The following UBTD2 variants were observed in gnomAD, a reference collection of about 807,000 sequenced individuals.
The protein encoded by UBTD2 is ubiquitin domain containing 2.
A neutral mutation model predicts 19.8 loss-of-function variants in UBTD2; 9 were observed. That is an observed-to-expected ratio of 0.46 (90% CI 0.27 to 0.79). The LOEUF is 0.79. UBTD2 is among the 30% of genes least tolerant of loss of function. The pLI is 0.14. For missense variants in UBTD2, 250 were observed against 300.4 expected (o/e 0.83, Z 1.24); for synonymous variants, 98 against 103.9 (o/e 0.94, Z 0.35).
At chr5:172,266,874 C>CA (rs1427303180) in intron 1 of UBTD2, among the ~76,000 whole-genome samples, 1 of 151,634 alleles carries the variant, frequency 6.6e-6, no homozygotes, top group African/African-American at 2.4e-5. Flanking sequence ...ACCATCTATA[C>CA]AAAAAAAATT....
At chr5:172,244,865 A>G (rs1301049209) in intron 1 of UBTD2, among the ~76,000 whole-genome samples, 1 of 151,804 alleles carries the variant, frequency 6.6e-6, no homozygotes, top group Non-Finnish European at 1.5e-5. Flanking sequence ...AGTAGCTGAG[A>G]TTACAGGCAC....
In UBTD2 at chr5:172,283,502, CGGGG is replaced by C; in HGVS notation, c.70+90_70+93del. On this transcript the variant is annotated intron_variant, in intron 1 of 2. Coordinates refer to ENST00000393792, the MANE Select transcript of UBTD2 (RefSeq NM_152277.3). The surrounding 1 kb of genome is among the most constrained non-coding windows in gnomAD (Gnocchi z 4.3). ...TGGAAGAGGGGATGACAAAGGGGCG[CGGGG>C]GCCCGGCGCGGCCCGCGGGGGTCGG... 1 of 999,782 alleles carries C rather than the reference CGGGG, an allele frequency of 1.0e-6. No homozygotes were observed. Among genetic ancestry groups the C allele is most frequent in the South Asian group, 4.4e-5 (1 of 22,692 alleles). The allele number at this position is 999,782 out of a possible 1,614,324, so 61.9% of individuals were successfully genotyped here. A position where few individuals can be genotyped will look rare whatever the true frequency, so the allele number is the denominator to read the frequency against.
At chr5:172,264,634 G>A (rs1232667839) in intron 1 of UBTD2, among the ~76,000 whole-genome samples, 1 of 151,790 alleles carries the variant, frequency 6.6e-6, no homozygotes, top group East Asian at 1.9e-4. Context: ...TCCACTTTGG[G>A]AGGCCAAGAC....
At chr5:172,223,960 C>T (rs1301527040) in intron 2 of UBTD2, among the ~76,000 whole-genome samples, 2 of 152,108 alleles carry the variant, frequency 1.3e-5, no homozygotes, top group Admixed American at 1.3e-4. Flanking sequence ...AGCCCAACAA[C>T]ATATTTGCTG....
chr5:172,234,063 T>C (rs941474103), intron 2 of UBTD2, 59 bp downstream of exon 2: 4 of 1,572,002 alleles, frequency 2.5e-6, no homozygotes, highest in Middle Eastern at 3.3e-4. Flanking sequence ...ATTTGGTTTC[T>C]TGCTATCAGA....
At chr5:172,247,625 T>G (rs962363003) in intron 1 of UBTD2, among the ~76,000 whole-genome samples, 1 of 152,220 alleles carries the variant, frequency 6.6e-6, no homozygotes, top group African/African-American at 2.4e-5. Context: ...AGATGTTTTA[T>G]AATTAAAGTG....
chr5:172,239,157 TC>T (rs1168803392), intron 1 of UBTD2, among the ~76,000 whole-genome samples: 3 of 152,170 alleles, frequency 2.0e-5, no homozygotes, highest in Non-Finnish European at 4.4e-5. Context: ...GCAAATCTTC[TC>T]TACTGTTTGA....
intron 2 of UBTD2, among the ~76,000 whole-genome samples, chr5:172,218,458 A>G: frequency 6.6e-6 from 1 of 152,124 alleles, no homozygotes; most frequent in Non-Finnish European, 1.5e-5. Context: ...TAAAATAGAA[A>G]TCAATGAAAT....
At chr5:172,257,769 T>C (rs959138573) in intron 1 of UBTD2, among the ~76,000 whole-genome samples, 2 of 152,234 alleles carry the variant, frequency 1.3e-5, no homozygotes, top group South Asian at 2.1e-4. Context: ...TGATTAGTGA[T>C]GGTGAGCATT....
At chr5:172,276,556 T>C (rs1441579912) in intron 1 of UBTD2, among the ~76,000 whole-genome samples, 2 of 152,162 alleles carry the variant, frequency 1.3e-5, no homozygotes, top group Admixed American at 6.5e-5. Flanking sequence ...TCATGTACTA[T>C]CAGTTTACAA....
rs144229695 is a variant in UBTD2, at chr5:172,227,191, C to A, written c.307+6931G>T. ...ACCCAGAATGGCATAAAAAGGAGGT[C>A]TTTTTCAGAGACAAGCCTTCTGACT... On this transcript the variant is annotated intron_variant, in intron 2 of 2. Coordinates refer to ENST00000393792, the MANE Select transcript of UBTD2 (RefSeq NM_152277.3). Among the ~76,000 whole-genome samples, 169 of 152,248 alleles carry A rather than the reference C, an allele frequency of 1.1e-3. 3 individuals are homozygous for A. Among genetic ancestry groups the A allele is most frequent in the Non-Finnish European group, 1.6e-3 (111 of 68,000 alleles).
chr5:172,251,646 A>T (rs1201331889), intron 1 of UBTD2, among the ~76,000 whole-genome samples: 2 of 151,866 alleles, frequency 1.3e-5, no homozygotes, highest in African/African-American at 2.4e-5. Context: ...AAAAAATGGC[A>T]ACCAAGAATA....
intron 1 of UBTD2, among the ~76,000 whole-genome samples, chr5:172,271,499 C>G (rs967510416): frequency 2.0e-5 from 3 of 151,828 alleles, no homozygotes; most frequent in Non-Finnish European, 4.4e-5. Context: ...ACCCTGCCCC[C>G]CACTCCTCCT....
chr5:172,242,675 A>C (rs902140839), intron 1 of UBTD2, among the ~76,000 whole-genome samples: 2 of 152,214 alleles, frequency 1.3e-5, no homozygotes, highest in African/African-American at 4.8e-5. Context: ...ACTGAATGTC[A>C]CGTCTATGGT....
chr5:172,274,337 C>T (rs1755564045), intron 1 of UBTD2, among the ~76,000 whole-genome samples: 4 of 151,858 alleles, frequency 2.6e-5, no homozygotes, highest in Admixed American at 2.6e-4. Flanking sequence ...GACAGGCTTT[C>T]ACCATGTTGG....
intron 2 of UBTD2, among the ~76,000 whole-genome samples, chr5:172,229,350 A>G (rs955598224): frequency 3.3e-5 from 5 of 151,866 alleles, no homozygotes; most frequent in African/African-American, 1.2e-4. Context: ...AAATACAAAA[A>G]ATTAGCCAGG....
At chr5:172,254,137 T>C (rs576201324) in intron 1 of UBTD2, among the ~76,000 whole-genome samples, 1 of 152,308 alleles carries the variant, frequency 6.6e-6, no homozygotes, top group South Asian at 2.1e-4. Flanking sequence ...TCTCGCTCTG[T>C]CGCCCAGGCT....
At chr5:172,229,796 C>T (rs1007628124) in intron 2 of UBTD2, among the ~76,000 whole-genome samples, 52 of 152,074 alleles carry the variant, frequency 3.4e-4, no homozygotes, top group African/African-American at 1.3e-3. Flanking sequence ...GTATACTATT[C>T]ACTACGCAGA....
At chr5:172,276,381 C>T (rs952211117) in intron 1 of UBTD2, among the ~76,000 whole-genome samples, 7 of 152,350 alleles carry the variant, frequency 4.6e-5, no homozygotes, top group Non-Finnish European at 8.8e-5. Flanking sequence ...CATTTTCTCT[C>T]ACACACACTG....
Sources: gnomAD v4.1 joint callset for allele counts (sites outside exome capture counted in the v4.1 genomes callset) on GRCh38, gnomAD v4.1.1 for gene constraint, Gnocchi (gnomAD v3.1) non-coding constraint, MANE v1.5 for transcripts, NCBI Gene and HGNC (gene_info 2026-07-23, HGNC 2026-07-21) for gene names.